The following DOC2B variants were observed in gnomAD, a reference collection of about 807,000 sequenced individuals.
DOC2B encodes the protein double C2-like domain-containing protein beta.
A neutral mutation model predicts 28.9 loss-of-function variants in DOC2B; 21 were observed. That is an observed-to-expected ratio of 0.73 (90% CI 0.52 to 1.05). The LOEUF is 1.05. DOC2B is among the 50% of genes least tolerant of loss of function. The pLI is 0.00. For synonymous variants in DOC2B, 194 were observed against 178.1 expected, an observed-to-expected ratio of 1.09 and a Z score of -0.71; for missense variants, 384 against 421.1, an observed-to-expected ratio of 0.91 and a Z score of 0.77.
chr17:161,094 G>A (rs1292346402), intron 5 of DOC2B, among the ~76,000 whole-genome samples: 2 of 152,040 alleles, frequency 1.3e-5, no homozygotes, highest in Non-Finnish European at 2.9e-5. Flanking sequence ...GTCAGGCCAG[G>A]GTTGTGCCCA....
rs1006840264 is a variant in DOC2B at position 147,327 on chromosome 17, G to A, written c.*114C>T. 22 of 397,680 alleles carry A rather than the reference G, an allele frequency of 5.5e-5. No homozygotes were observed. Among genetic ancestry groups the A allele is most frequent in the African/African-American group, 2.9e-4 (14 of 48,724 alleles). 24.6% of individuals were successfully genotyped at this position (397,680 alleles called of 1,614,324 possible). A position where few individuals can be genotyped will look rare whatever the true frequency, so the allele number is the denominator to read the frequency against. On this transcript the variant is annotated 3_prime_UTR_variant, in exon 9 of 9. Coordinates refer to ENST00000613549, the MANE Select transcript of DOC2B (RefSeq NM_003585.5). ...CTGCAGTGGCTCTGTGTCCAAGCAG[G>A]GGTTCTGGATCTCCCCCAGTGTGGG...
chr17:181,157 T>C lies in DOC2B; in HGVS notation c.323A>G (p.Lys108Arg). The C allele has an allele frequency of 8.0e-7, 1 of 1,252,916 alleles. No individual in the cohort carries two copies. Among genetic ancestry groups the C allele is most frequent in the Non-Finnish European group, 1.0e-6 (1 of 999,752 alleles). The allele number at this position is 1,252,916 out of a possible 1,614,324, so 77.6% of individuals were successfully genotyped here. The part of the protein sequence containing the change: ...PGPSPARPPA[K>R]PPEDEPDADG... Reference sequence around the variant, plus strand: ...GGCGTCCGGCTCGTCCTCCGGCGGCTTGGCTGGCGGCCGCGCGGGGCTGGG... The same window carrying C: ...GGCGTCCGGCTCGTCCTCCGGCGGCCTGGCTGGCGGCCGCGCGGGGCTGGG... The change falls in exon 1 of 9, where the codon AAG becomes AGG. Residue 108 changes from lysine (K) to arginine (R), a missense_variant. Transcript: ENST00000613549. The surrounding 1 kb of genome is among the most constrained non-coding windows in gnomAD (Gnocchi z 7.0).
chr17:150,007 C>T lies in DOC2B; in HGVS notation c.924-815G>A, dbSNP rs1216586035. ...GAGGCCACCTAGATGTTCTTCCCTC[C>T]ACAGCCACTAAGGCCTTAGGCTCTG... On this transcript the variant is annotated intron_variant, in intron 6 of 8. Coordinates refer to ENST00000613549, the MANE Select transcript of DOC2B (RefSeq NM_003585.5). Among the ~76,000 whole-genome samples, 6 of 152,134 alleles carry T rather than the reference C, an allele frequency of 3.9e-5. No homozygotes were observed. In the South Asian group the frequency reaches 1.2e-3, roughly 32 times the overall value.
rs1429882239 is a variant in DOC2B at position 181,523 on chromosome 17, G to T, written c.-44C>A. 3 of 976,968 alleles carry T rather than the reference G, an allele frequency of 3.1e-6. No homozygotes were observed. Among genetic ancestry groups the T allele is most frequent in the South Asian group, 4.6e-5 (1 of 21,796 alleles). 60.5% of individuals were successfully genotyped at this position (976,968 alleles called of 1,614,324 possible). On this transcript the variant is annotated 5_prime_UTR_variant, in exon 1 of 9. Coordinates refer to ENST00000613549, the MANE Select transcript of DOC2B (RefSeq NM_003585.5). This position sits in a 1 kb window ranked among gnomAD's most constrained non-coding sequence, Gnocchi z 7.0. ...CCCCGGGCGCGGCCCGGCCCGGCGC[G>T]ACCCCGGCCCGGGGGCGGCTCAGCA...
At chr17:152,298 C>G (rs564262273) in intron 6 of DOC2B, among the ~76,000 whole-genome samples, 1 of 152,194 alleles carries the variant, frequency 6.6e-6, no homozygotes, top group Non-Finnish European at 1.5e-5. Context: ...CTGCTGAGCG[C>G]GTCACACGCA....
At chr17:148,038 G>A (rs1221634430) in intron 8 of DOC2B, 135 bp downstream of exon 8, 2 of 396,194 alleles carry the variant, frequency 5.0e-6, no homozygotes, top group Non-Finnish European at 8.9e-6. Context: ...GGTCAGGCTG[G>A]AGAAGGTCTG....
At chr17:157,239 C>T (rs984758611) in intron 5 of DOC2B, among the ~76,000 whole-genome samples, 1 of 152,214 alleles carries the variant, frequency 6.6e-6, no homozygotes, top group Admixed American at 6.5e-5. Context: ...CCTTTGCGCA[C>T]CCTTAATCCA....
chr17:166,483 G>A (rs1391431566), intron 2 of DOC2B, among the ~76,000 whole-genome samples: 5 of 152,370 alleles, frequency 3.3e-5, no homozygotes, highest in African/African-American at 4.8e-5. Context: ...GGGAGGTGAC[G>A]TGGTTTGGCG....
At chr17:177,591 G>T (rs1469269013) in intron 1 of DOC2B, among the ~76,000 whole-genome samples, 2 of 152,196 alleles carry the variant, frequency 1.3e-5, no homozygotes, top group Non-Finnish European at 2.9e-5. Flanking sequence ...TTTCCATCTG[G>T]GTTCTTGCCT....
At chr17:152,752 C>T (rs985650015) in intron 6 of DOC2B, among the ~76,000 whole-genome samples, 2 of 152,092 alleles carry the variant, frequency 1.3e-5, no homozygotes, top group Non-Finnish European at 2.9e-5. Context: ...AGCCCGGTGA[C>T]AGAGTGAGTC....
intron 3 of DOC2B, among the ~76,000 whole-genome samples, chr17:162,674 G>A (rs370205395): frequency 1.4e-4 from 21 of 152,222 alleles, no homozygotes; most frequent in East Asian, 7.7e-4. Flanking sequence ...GAGAGTAAAC[G>A]CGCTGCTTTA....
chr17:153,114 A>G (rs980056259), intron 6 of DOC2B, among the ~76,000 whole-genome samples: 3 of 143,004 alleles, frequency 2.1e-5, no homozygotes, highest in African/African-American at 7.8e-5. Context: ...GGCGTGGCTC[A>G]GATACAGGGA....
chr17:170,405 GA>G (rs2040298473), intron 2 of DOC2B, among the ~76,000 whole-genome samples: 1 of 152,294 alleles, frequency 6.6e-6, no homozygotes, highest in South Asian at 2.1e-4. Context: ...TGGGCTGGGG[GA>G]CAGCCTGGGG....
chr17:161,660 G>A, intron 4 of DOC2B, 119 bp from the exon 5 acceptor site: 1 of 1,478,484 alleles, frequency 6.8e-7, no homozygotes, highest in Non-Finnish European at 9.1e-7. Context: ...CCTGGTCTGG[G>A]GTGGGAGACG....
chr17:159,355 G>C (rs111542596), intron 5 of DOC2B, among the ~76,000 whole-genome samples: 6,417 of 152,278 alleles, frequency 0.042, 179 homozygotes, highest in Non-Finnish European at 0.065. Context: ...GCCAGGCGTG[G>C]TGGCGCACAC....
At position 181,400 on chromosome 17, in the gene DOC2B, A is replaced by T; in HGVS notation, c.80T>A (p.Ile27Asn). ...HMAIDVCPGPIRPIKQISDYF... is the reference protein window; with the variant it reads ...HMAIDVCPGPNRPIKQISDYF... ...GTCGGAGATCTGCTTGATGGGACGG[A>T]TGGGGCCGGGGCACACGTCGATGGC... The change falls in exon 1 of 9, where the codon ATC (isoleucine) becomes AAC (asparagine). Residue 27 changes from isoleucine to asparagine, a missense_variant. Coordinates refer to ENST00000613549, the MANE Select transcript of DOC2B (RefSeq NM_003585.5). The surrounding 1 kb of genome is among the most constrained non-coding windows in gnomAD (Gnocchi z 7.0). 1.7e-6 allele frequency: 2 copies of T among 1,168,924 alleles called. No individual in the cohort carries two copies. Among genetic ancestry groups the T allele is most frequent in the South Asian group, 2.5e-5 (1 of 39,350 alleles). The allele number at this position is 1,168,924 out of a possible 1,614,324, so 72.4% of individuals were successfully genotyped here.
Position 181,225 on chromosome 17 carries a change from C to CTGG in DOC2B, c.252_254dup (p.Asp84_Gln85insHis). The CTGG allele has an allele frequency of 8.2e-7, 1 of 1,221,136 alleles. No homozygotes were observed. The highest frequency in any genetic ancestry group is 3.2e-4 in the Middle Eastern group (1 of 3,144). The allele number at this position is 1,221,136 out of a possible 1,614,324, so 75.6% of individuals were successfully genotyped here. A position where few individuals can be genotyped will look rare whatever the true frequency, so the allele number is the denominator to read the frequency against. ...GGCTGGAGCCGTAGGCTCCGAAGAG[C>CTGG]TGGTCCACATCCTCGTCGTCCTCGC... On this transcript the variant is annotated inframe_insertion, in exon 1 of 9. Coordinates refer to ENST00000613549, the MANE Select transcript of DOC2B (RefSeq NM_003585.5). This position sits in a 1 kb window ranked among gnomAD's most constrained non-coding sequence, Gnocchi z 7.0.
rs761689778 is a variant in DOC2B, at chr17:174,572, G to A, written c.374-1956C>T. On this transcript the variant is annotated intron_variant, in intron 1 of 8. Coordinates refer to ENST00000613549, the MANE Select transcript of DOC2B (RefSeq NM_003585.5). ...TAACCTGAGTCATTGCTATGGCCACGATGACTCTTCCGTATGTCACGGTCA... is the reference window on the plus strand; with the variant it reads ...TAACCTGAGTCATTGCTATGGCCACAATGACTCTTCCGTATGTCACGGTCA... 2.0e-5 allele frequency among the ~76,000 whole-genome samples: 3 copies of A among 152,280 alleles called. 1 individual carries two copies. Among genetic ancestry groups the A allele is most frequent in the Non-Finnish European group, 2.9e-5 (2 of 68,018 alleles).
intron 2 of DOC2B, among the ~76,000 whole-genome samples, chr17:165,716 C>A (rs1171357028): frequency 6.6e-6 from 1 of 152,052 alleles, no homozygotes; most frequent in African/African-American, 2.4e-5. Context: ...GGCTCAGTGG[C>A]CCAACACGTG....
Sources: gnomAD v4.1 joint callset for allele counts (sites outside exome capture counted in the v4.1 genomes callset) on GRCh38, gnomAD v4.1.1 for gene constraint, Gnocchi (gnomAD v3.1) non-coding constraint, MANE v1.5 for transcripts, NCBI Gene and HGNC (gene_info 2026-07-23, HGNC 2026-07-21) for gene names.